Variants in PSD3 observed in about 807,000 individuals in gnomAD.
PSD3 encodes pleckstrin and Sec7 domain containing 3.
Under a neutral mutation model 105.5 loss-of-function variants are expected in PSD3, and 49 were observed. The ratio of observed to expected loss-of-function variants is 0.46; its 90% confidence interval spans 0.37 to 0.59. The LOEUF is 0.59. Ranked by LOEUF, PSD3 falls within the 20% of genes least tolerant of loss-of-function variation. The pLI is 0.00. For missense variants in PSD3, 1,561 were observed against 1,263.8 expected (o/e 1.24, Z -3.57); for synonymous variants, 557 against 457.8 (o/e 1.22, Z -2.77).
chr8:18,995,024 A>C (rs140167528), intron 1 of PSD3, among the ~76,000 whole-genome samples: 2,203 of 152,154 alleles, frequency 0.014, 75 homozygotes, highest in African/African-American at 0.051. Context: ...TCAAAGGTTT[A>C]TTCTATTTTC....
intron 11 of PSD3, among the ~76,000 whole-genome samples, chr8:18,631,837 T>C (rs1404079192): frequency 6.6e-6 from 1 of 151,872 alleles, no homozygotes; most frequent in Non-Finnish European, 1.5e-5. Context: ...AGAAAAAGGA[T>C]CCAGCTACAG....
chr8:18,575,291 G>C lies in PSD3; in HGVS notation c.2482-6C>G. 6.4e-7 allele frequency: 1 copy of C among 1,551,192 alleles called. No individual in the cohort carries two copies. The highest frequency in any genetic ancestry group is 8.7e-7 in the Non-Finnish European group (1 of 1,149,022). On this transcript the variant is annotated splice_region_variant and splice_polypyrimidine_tract_variant and intron_variant, in intron 12 of 15. Coordinates refer to ENST00000327040, the MANE Select transcript of PSD3 (RefSeq NM_015310.4). ...TTTTCTGGCTTGTATTCATCCTATA[G>C]ATGGACACAAAGAAAATAAAGGCAA...
intron 4 of PSD3, among the ~76,000 whole-genome samples, chr8:18,864,528 T>C (rs1225226144): frequency 6.6e-6 from 1 of 152,100 alleles, no homozygotes; most frequent in East Asian, 1.9e-4. Context: ...ATTTCCTTGG[T>C]TCATGTCTAC....
At chr8:18,973,137 C>T (rs1302016580) in intron 1 of PSD3, among the ~76,000 whole-genome samples, 1 of 152,166 alleles carries the variant, frequency 6.6e-6, no homozygotes, top group African/African-American at 2.4e-5. Flanking sequence ...CTTGGACCAT[C>T]TGGGGGTTCT....
chr8:18,589,864 C>T (rs906500794), intron 12 of PSD3, among the ~76,000 whole-genome samples: 1 of 152,152 alleles, frequency 6.6e-6, no homozygotes, highest in Non-Finnish European at 1.5e-5. Flanking sequence ...GAAATCTGTC[C>T]ACAAGTAAGT....
At chr8:18,566,489 G>A (rs1431385246) in intron 14 of PSD3, among the ~76,000 whole-genome samples, 1 of 146,638 alleles carries the variant, frequency 6.8e-6, no homozygotes, top group Non-Finnish European at 1.5e-5. Context: ...TCAAGCCACT[G>A]CACTCCAGCC....
chr8:18,947,923 G>C, intron 1 of PSD3, among the ~76,000 whole-genome samples: 1 of 152,182 alleles, frequency 6.6e-6, no homozygotes, highest in East Asian at 1.9e-4. Context: ...AAGTAGGATA[G>C]AGGGATCAAG....
chr8:18,785,648 A>T (rs1809071279), intron 8 of PSD3, among the ~76,000 whole-genome samples: 1 of 152,164 alleles, frequency 6.6e-6, no homozygotes, highest in African/African-American at 2.4e-5. Flanking sequence ...CAACTTTATT[A>T]ACTGTCTGGT....
intron 9 of PSD3, among the ~76,000 whole-genome samples, chr8:18,675,976 C>A (rs1479819766): frequency 2.0e-5 from 3 of 152,174 alleles, no homozygotes; most frequent in Admixed American, 6.5e-5. Context: ...AATAGCTTGT[C>A]ACCATACATA....
chr8:18,787,005 C>A (rs989527162), intron 8 of PSD3, among the ~76,000 whole-genome samples: 1 of 152,218 alleles, frequency 6.6e-6, no homozygotes, highest in Non-Finnish European at 1.5e-5. Flanking sequence ...CTCACGATGT[C>A]TGGATTTTTT....
intron 15 of PSD3, among the ~76,000 whole-genome samples, chr8:18,548,069 T>G (rs1312754076): frequency 6.6e-5 from 10 of 152,222 alleles, no homozygotes. Context: ...GCTTCTTTCT[T>G]CTGCATAAGA....
Position 18,586,652 on chromosome 8 carries a change from C to T in PSD3, c.2482-11367G>A, listed in dbSNP as rs149190050. 9.7e-3 allele frequency among the ~76,000 whole-genome samples: 1,470 copies of T among 152,156 alleles called. 6 individuals carry two copies. The highest frequency in any genetic ancestry group is 0.014 in the Non-Finnish European group (920 of 68,008). ...TGGACTTCCGGAATGGCTGGAATTG[C>T]CAGCCATTATGAATTCTTTCGAAGA... On this transcript the variant is annotated intron_variant, in intron 12 of 15. Transcript: ENST00000327040.
intron 4 of PSD3, among the ~76,000 whole-genome samples, chr8:18,807,068 T>C (rs1344774112): frequency 6.6e-6 from 1 of 152,176 alleles, no homozygotes; most frequent in Non-Finnish European, 1.5e-5. Flanking sequence ...TTTTTAAAAA[T>C]CTGAACCTAA....
chr8:18,667,719 C>T lies in PSD3; in HGVS notation c.2173-12034G>A, dbSNP rs978432282. 3.9e-5 allele frequency among the ~76,000 whole-genome samples: 6 copies of T among 152,200 alleles called. No homozygotes were observed. In the East Asian group the frequency reaches 5.8e-4, roughly 15 times the overall value. On this transcript the variant is annotated intron_variant, in intron 9 of 15. Coordinates refer to ENST00000327040, the MANE Select transcript of PSD3 (RefSeq NM_015310.4). ...AGGCAGCTGATGGGACCAGGCGCTG[C>T]GGAGCAGGGGGCGGTACTCGTCAGG...
chr8:18,833,064 G>A lies in PSD3; in HGVS notation c.1635-28166C>T, dbSNP rs369386851. On this transcript the variant is annotated intron_variant, in intron 4 of 15. Coordinates refer to ENST00000327040, the MANE Select transcript of PSD3 (RefSeq NM_015310.4). ...TTTAAAAAGCAACTATGTTAAAGAT[G>A]AATGTTATTTTTAAAGATTTAAAAT... Among the ~76,000 whole-genome samples, 117 of 152,280 alleles carry A rather than the reference G, an allele frequency of 7.7e-4. 2 individuals carry two copies. The South Asian group carries it at 0.024, about 31-fold the overall frequency.
chr8:19,047,091 T>C (rs1586664700), intron 1 of PSD3, among the ~76,000 whole-genome samples: 1 of 152,200 alleles, frequency 6.6e-6, no homozygotes, highest in South Asian at 2.1e-4. Flanking sequence ...AGGCCTCTTA[T>C]TCCTCTGCTA....
At chr8:18,701,086 C>T (rs375190424) in intron 9 of PSD3, among the ~76,000 whole-genome samples, 28 of 152,038 alleles carry the variant, frequency 1.8e-4, no homozygotes, top group African/African-American at 6.5e-4. Flanking sequence ...TCACCCCAGC[C>T]TCCCAAGTAG....
intron 9 of PSD3, among the ~76,000 whole-genome samples, chr8:18,749,574 T>C (rs1373175478): frequency 6.6e-6 from 1 of 152,118 alleles, no homozygotes; most frequent in Non-Finnish European, 1.5e-5. Context: ...CTAACCTTAA[T>C]AGAGGGAGAT....
intron 8 of PSD3, among the ~76,000 whole-genome samples, chr8:18,792,602 AGCTAATGAATGCCAG>A (rs1201857319): frequency 6.6e-6 from 1 of 152,196 alleles, no homozygotes; most frequent in Non-Finnish European, 1.5e-5. Context: ...CAGGAAGAAC[AGCTAATGAATGCCAG>A]GCTTAATACC....
Sources: allele counts gnomAD v4.1 joint callset (sites outside exome capture counted in the v4.1 genomes callset), GRCh38; gene constraint gnomAD v4.1.1; transcripts MANE v1.5; gene names NCBI Gene and HGNC (gene_info 2026-07-23, HGNC 2026-07-21).